Variants in DDA1 observed in about 807,000 individuals in gnomAD.
The protein encoded by DDA1 is DET1- and DDB1-associated protein 1.
Under a neutral mutation model 18.6 loss-of-function variants are expected in DDA1, and 3 were observed. That is an observed-to-expected ratio of 0.16 (90% CI 0.07 to 0.42). The LOEUF is 0.42. Ranked by LOEUF, DDA1 falls within the 10% of genes least tolerant of loss-of-function variation. DDA1 has a pLI of 0.99. For synonymous variants in DDA1, 52 were observed against 54.0 expected (o/e 0.96, Z 0.17); for missense variants, 105 against 138.2 (o/e 0.76, Z 1.20).
At position 17,315,130 on chromosome 19, in the gene DDA1, CACACATATATAT is replaced by C. The variant is rs1293138967; in HGVS notation, c.136+747_136+758del. Among the ~76,000 whole-genome samples, 5 of 49,090 alleles carry C rather than the reference CACACATATATAT, an allele frequency of 1.0e-4. 1 individual carries two copies. The highest frequency in any genetic ancestry group is 4.7e-4 in the African/African-American group (3 of 6,384). The allele number at this position is 49,090 out of a possible 152,430, so 32.2% of individuals were successfully genotyped here. On this transcript the variant is annotated intron_variant, in intron 3 of 4. Coordinates refer to ENST00000359866, the MANE Select transcript of DDA1 (RefSeq NM_024050.6). ...ATATATATACACACACGTATATATA[CACACATATATAT>C]ACACACACGTATATATACACACGTG... is the stretch of plus-strand genomic sequence containing the variant.
intron 4 of DDA1, 55 bp from the exon 5 acceptor site, chr19:17,319,491 T>C: frequency 6.7e-7 from 1 of 1,481,702 alleles, no homozygotes; most frequent in South Asian, 1.2e-5. Context: ...GCCCAGAAGG[T>C]TGAGGCTGTC....
At chr19:17,316,155 G>T (rs1168475918) in intron 4 of DDA1, among the ~76,000 whole-genome samples, 160 bp downstream of exon 4, 2 of 152,206 alleles carry the variant, frequency 1.3e-5, no homozygotes, top group African/African-American at 4.8e-5. Flanking sequence ...GAGCGTTCCA[G>T]TGGAGGGAAC....
chr19:17,311,782 CT>C (rs1235763453), intron 1 of DDA1, among the ~76,000 whole-genome samples: 1 of 152,182 alleles, frequency 6.6e-6, no homozygotes, highest in Admixed American at 6.5e-5. Flanking sequence ...TTTCTCATCT[CT>C]TTGTTGGGTC....
intron 1 of DDA1, among the ~76,000 whole-genome samples, chr19:17,313,198 A>G (rs2074186931): frequency 6.6e-6 from 1 of 152,062 alleles, no homozygotes; most frequent in Non-Finnish European, 1.5e-5. Flanking sequence ...GAGGTGGGGT[A>G]CATGTGGGTT....
chr19:17,312,779 G>C (rs1354322810), intron 1 of DDA1, among the ~76,000 whole-genome samples: 1 of 152,206 alleles, frequency 6.6e-6, no homozygotes, highest in Non-Finnish European at 1.5e-5. Flanking sequence ...GGCCCCAGAA[G>C]ACCTTGCTGA....
chr19:17,313,211 A>G (rs1444577525), intron 1 of DDA1, among the ~76,000 whole-genome samples: 1 of 151,994 alleles, frequency 6.6e-6, no homozygotes, highest in African/African-American at 2.4e-5. Context: ...TGTGGGTTCA[A>G]ATCAGCCCCC....
chr19:17,315,228 T>C lies in DDA1; in HGVS notation c.137-706T>C, dbSNP rs565099429. 7.8e-4 allele frequency among the ~76,000 whole-genome samples: 28 copies of C among 35,692 alleles called. 8 individuals carry two copies. The highest frequency in any genetic ancestry group is 7.2e-3 in the East Asian group (24 of 3,338). The allele number at this position is 35,692 out of a possible 152,430, so 23.4% of individuals were successfully genotyped here. On this transcript the variant is annotated intron_variant, in intron 3 of 4. Coordinates refer to ENST00000359866, the MANE Select transcript of DDA1 (RefSeq NM_024050.6). ...ACACGTGTATATACACACACGTGTATACACACACACGTGTATATACACACA... is the reference window on the plus strand; with the variant it reads ...ACACGTGTATATACACACACGTGTACACACACACACGTGTATATACACACA...
At chr19:17,315,200 TACACAC>T (rs2074200498) in intron 3 of DDA1, among the ~76,000 whole-genome samples, 5 of 13,778 alleles carry the variant, frequency 3.6e-4, no homozygotes, top group Admixed American at 1.6e-3. Flanking sequence ...CACACGTGTA[TACACAC>T]GTGTATATAC....
rs777856884 is a variant in DDA1 at position 17,309,663 on chromosome 19, G to T, written c.3+6G>T. 1 of 1,612,684 alleles carries T rather than the reference G, an allele frequency of 6.2e-7. No individual in the cohort carries two copies. The highest frequency in any genetic ancestry group is 1.1e-5 in the South Asian group (1 of 90,960). Reference sequence around the variant, plus strand: ...GACGGAGGAAACAGAAGATGGTGAGGATGGCCTCCAGGCCCCCACTCCCCC... The same window carrying T: ...GACGGAGGAAACAGAAGATGGTGAGTATGGCCTCCAGGCCCCCACTCCCCC... On this transcript the variant is annotated splice_donor_region_variant and intron_variant, in intron 1 of 4. Transcript: ENST00000359866.
Position 17,314,681 on chromosome 19 carries a change from CTG to C in DDA1, c.136+293_136+294del. The C allele has an allele frequency of 2.1e-6, 1 of 465,160 alleles. No homozygotes were observed. Among genetic ancestry groups the C allele is most frequent in the Non-Finnish European group, 3.9e-6 (1 of 255,328 alleles). The allele number at this position is 465,160 out of a possible 1,614,324, so 28.8% of individuals were successfully genotyped here. On this transcript the variant is annotated intron_variant, in intron 3 of 4. Transcript: ENST00000359866. The surrounding 1 kb of genome is among the most constrained non-coding windows in gnomAD (Gnocchi z 4.6). ...CCAGGTGTCTCTTGATTGGGACACA[CTG>C]GGATCCACAGCCAGCCCAAAGGGGC...
rs1200199294 is a variant in DDA1 at position 17,315,361 on chromosome 19, C to T, written c.137-573C>T. ...TATATATATACACGCTATATATATA[C>T]GCTATATATATACACACGTATATAT... On this transcript the variant is annotated intron_variant, in intron 3 of 4. Transcript: ENST00000359866. Among the ~76,000 whole-genome samples, 10 of 102,834 alleles carry T rather than the reference C, an allele frequency of 9.7e-5. 2 individuals carry two copies. The highest frequency in any genetic ancestry group is 2.2e-4 in the East Asian group (1 of 4,568). 67.5% of individuals were successfully genotyped at this position (102,834 alleles called of 152,430 possible).
In DDA1 at chr19:17,314,711, C is replaced by A. The variant is rs1282234174; in HGVS notation, c.136+322C>A. The stretch of plus-strand genomic sequence containing the variant: ...ATCCACAGCCAGCCCAAAGGGGCCC[C>A]CAAGTTGTCCCTCATCTGCCACTCA... On this transcript the variant is annotated intron_variant, in intron 3 of 4. Transcript: ENST00000359866. The surrounding 1 kb of genome is among the most constrained non-coding windows in gnomAD (Gnocchi z 4.6). 2.6e-6 allele frequency: 1 copy of A among 388,154 alleles called. No homozygotes were observed. Among genetic ancestry groups the A allele is most frequent in the Non-Finnish European group, 4.8e-6 (1 of 209,044 alleles). 24.0% of individuals were successfully genotyped at this position (388,154 alleles called of 1,614,324 possible). A position where few individuals can be genotyped will look rare whatever the true frequency, so the allele number is the denominator to read the frequency against.
intron 3 of DDA1, chr19:17,315,623 C>A: frequency 2.8e-6 from 1 of 356,348 alleles, no homozygotes; most frequent in Non-Finnish European, 5.2e-6. Flanking sequence ...ACTGTGTGGT[C>A]ACTGGGCACA....
intron 4 of DDA1, among the ~76,000 whole-genome samples, chr19:17,318,665 CCTT>C (rs1235426502): frequency 2.0e-5 from 3 of 151,330 alleles, no homozygotes; most frequent in Non-Finnish European, 2.9e-5. Context: ...CCGCGCCTGG[CCTT>C]CTTTTTTTTT....
At position 17,315,909 on chromosome 19, in the gene DDA1, G is replaced by A. The variant is rs769014621; in HGVS notation, c.137-25G>A. 88 of 1,613,670 alleles carry A rather than the reference G, an allele frequency of 5.5e-5. No individual in the cohort carries two copies. In the East Asian group the frequency reaches 6.5e-4, roughly 12 times the overall value. ...GAGCCTGGGGAGGGGAGGCGTCTGC[G>A]ACTTTCTCTATCTTTCCTCCTTAGT... On this transcript the variant is annotated intron_variant, in intron 3 of 4. Transcript: ENST00000359866.
Position 17,314,459 on chromosome 19 carries a change from A to G in DDA1, c.136+70A>G, listed in dbSNP as rs2074193245. On this transcript the variant is annotated intron_variant, in intron 3 of 4. Coordinates refer to ENST00000359866, the MANE Select transcript of DDA1 (RefSeq NM_024050.6). The surrounding 1 kb of genome is among the most constrained non-coding windows in gnomAD (Gnocchi z 4.6). ...CGGGGTTTGGTGACTGCAGCGTGGCACGCGGAGGTTATCTTCAACCCCGGC... is the reference window on the plus strand; with the variant it reads ...CGGGGTTTGGTGACTGCAGCGTGGCGCGCGGAGGTTATCTTCAACCCCGGC... The G allele has an allele frequency of 6.3e-7, 1 of 1,595,616 alleles. No individual in the cohort carries two copies. The highest frequency in any genetic ancestry group is 1.7e-5 in the Admixed American group (1 of 59,828).
intron 1 of DDA1, 110 bp from the exon 2 acceptor site, chr19:17,313,913 G>C: frequency 1.1e-6 from 1 of 879,724 alleles, no homozygotes; most frequent in Non-Finnish European, 1.9e-6. Flanking sequence ...TGGAAAACTT[G>C]AACTACAAAG....
At chr19:17,311,994 C>T (rs1247670667) in intron 1 of DDA1, among the ~76,000 whole-genome samples, 9 of 152,254 alleles carry the variant, frequency 5.9e-5, no homozygotes, top group South Asian at 4.1e-4. Context: ...ATTTGTCCAA[C>T]GCAGACATGT....
chr19:17,317,703 G>C (rs998041146), intron 4 of DDA1, among the ~76,000 whole-genome samples: 2 of 149,972 alleles, frequency 1.3e-5, no homozygotes, highest in Non-Finnish European at 3.0e-5. Flanking sequence ...TTAGCTGGCT[G>C]TGGCATGTTC....
Sources: gnomAD v4.1 joint callset for allele counts (sites outside exome capture counted in the v4.1 genomes callset) on GRCh38, gnomAD v4.1.1 for gene constraint, Gnocchi (gnomAD v3.1) non-coding constraint, MANE v1.5 for transcripts, NCBI Gene and HGNC (gene_info 2026-07-23, HGNC 2026-07-21) for gene names.